Variants in BMP2K observed in about 807,000 individuals in gnomAD.
BMP2K encodes BMP-2-inducible protein kinase.
In BMP2K, 74 loss-of-function variants were observed where a neutral mutation model predicts 116.0. The ratio of observed to expected loss-of-function variants is 0.64; its 90% CI spans 0.53 to 0.77. The LOEUF is 0.77. Ranked by LOEUF, BMP2K falls within the 30% of genes least tolerant of loss-of-function variation. The pLI is 0.00. For missense variants in BMP2K, 1,365 were observed against 1,403.6 expected (o/e 0.97, Z 0.44); for synonymous variants, 486 against 502.5 (o/e 0.97, Z 0.44).
intron 10 of BMP2K, among the ~76,000 whole-genome samples, chr4:78,867,950 C>T (rs1271514277): frequency 6.6e-6 from 1 of 152,126 alleles, no homozygotes; most frequent in Non-Finnish European, 1.5e-5. Flanking sequence ...ATCCCAGCTA[C>T]TTGGGAGGCT....
At chr4:78,835,652 C>T in intron 3 of BMP2K, among the ~76,000 whole-genome samples, 1 of 144,456 alleles carries the variant, frequency 6.9e-6, no homozygotes, top group Admixed American at 6.9e-5. Flanking sequence ...AAAAAAAAGT[C>T]AAATATCTTA....
intron 1 of BMP2K, among the ~76,000 whole-genome samples, chr4:78,793,385 G>A (rs1223258143): frequency 1.3e-5 from 2 of 149,772 alleles, no homozygotes; most frequent in Non-Finnish European, 3.0e-5. Flanking sequence ...ACTCCAGCCT[G>A]GGTGACAGAG....
chr4:78,884,773 C>T (rs1032279832), intron 14 of BMP2K, among the ~76,000 whole-genome samples: 8 of 152,082 alleles, frequency 5.3e-5, no homozygotes, highest in African/African-American at 9.7e-5. Context: ...AATAGGTAAC[C>T]ACATGTAATC....
chr4:78,915,660 C>T lies in BMP2K; in HGVS notation c.*3627C>T, dbSNP rs1719319590. 1 of 151,848 alleles carries T rather than the reference C, an allele frequency of 6.6e-6. No homozygotes were observed. Among genetic ancestry groups the T allele is most frequent in the Non-Finnish European group, 1.5e-5 (1 of 67,870 alleles). 9.4% of individuals were successfully genotyped at this position (151,848 alleles called of 1,614,324 possible). ...GTACACACATGCATGTCACATCTCT[C>T]TACTGTGGAGTTAATGTGAATTTTT... On this transcript the variant is annotated 3_prime_UTR_variant, in exon 16 of 16. Coordinates refer to ENST00000502613, the MANE Select transcript of BMP2K (RefSeq NM_198892.2).
At chr4:78,801,074 G>C (rs974542326) in intron 1 of BMP2K, among the ~76,000 whole-genome samples, 1 of 151,972 alleles carries the variant, frequency 6.6e-6, no homozygotes, top group Non-Finnish European at 1.5e-5. Context: ...TTTACCTGTT[G>C]GTTATTCCCC....
At position 78,782,439 on chromosome 4, in the gene BMP2K, T is replaced by C. The variant is rs1021712510; in HGVS notation, c.178+5718T>C. Among the ~76,000 whole-genome samples, 12 of 152,222 alleles carry C rather than the reference T, an allele frequency of 7.9e-5. 1 individual carries two copies. Among genetic ancestry groups the C allele is most frequent in the Admixed American group, 7.2e-4 (11 of 15,280 alleles). On this transcript the variant is annotated intron_variant, in intron 1 of 15. Coordinates refer to ENST00000502613, the MANE Select transcript of BMP2K (RefSeq NM_198892.2). ...ACATTCAGCTACTTCTCAAAGGAAATGGTGCTTGATTTTTTTATTTTTAAT... is the reference window on the plus strand; with the variant it reads ...ACATTCAGCTACTTCTCAAAGGAAACGGTGCTTGATTTTTTTATTTTTAAT...
rs1043524968 is a variant in BMP2K at position 78,788,354 on chromosome 4, G to T, written c.178+11633G>T. ...AGTATGTAAGATAGTTAACTGTTAC[G>T]TGCAGTAATGTGGATCTAAGGATTT... On this transcript the variant is annotated intron_variant, in intron 1 of 15. Transcript: ENST00000502613. Among the ~76,000 whole-genome samples the T allele has an allele frequency of 5.3e-5, 8 of 151,234 alleles. No individual in the cohort carries two copies. The South Asian group carries it at 1.0e-3, about 20-fold the overall frequency.
chr4:78,871,888 A>C lies in BMP2K; in HGVS notation c.1548A>C (p.Gln516His). Residue 516 changes from glutamine to histidine, a missense_variant, in exon 12 of 16, where the codon CAA becomes CAC. Gln to His is a conservative substitution (Grantham distance 24). This residue lies in a region of BMP2K where 762 missense variants were observed against 756.7 expected (regional missense o/e 1.01). Coordinates refer to ENST00000502613, the MANE Select transcript of BMP2K (RefSeq NM_198892.2). ...CACAGCAGCAACAGATGCTTCAACA[A>C]CAATTTTTAATGCATTCGGTATATC... ...HATQQQQMLQ[Q>H]QFLMHSVYQP... The C allele has an allele frequency of 3.7e-6, 6 of 1,613,286 alleles. No individual in the cohort carries two copies. The highest frequency in any genetic ancestry group is 5.1e-6 in the Non-Finnish European group (6 of 1,179,600).
rs1200155225 is a variant in BMP2K at position 78,912,850 on chromosome 4, G to A, written c.*817G>A. Reference sequence around the variant, plus strand: ...TCTGACATTTGTAAAGAAATTATAAGAAGAAAAAAAGATACAGAACAGAAA... The same window carrying A: ...TCTGACATTTGTAAAGAAATTATAAAAAGAAAAAAAGATACAGAACAGAAA... On this transcript the variant is annotated 3_prime_UTR_variant, in exon 16 of 16. Coordinates refer to ENST00000502613, the MANE Select transcript of BMP2K (RefSeq NM_198892.2). 1 of 151,946 alleles carries A rather than the reference G, an allele frequency of 6.6e-6. No homozygotes were observed. Among genetic ancestry groups the A allele is most frequent in the Non-Finnish European group, 1.5e-5 (1 of 67,942 alleles). 9.4% of individuals were successfully genotyped at this position (151,946 alleles called of 1,614,324 possible).
intron 15 of BMP2K, among the ~76,000 whole-genome samples, chr4:78,902,912 G>A (rs546322308): frequency 6.6e-6 from 1 of 152,126 alleles, no homozygotes; most frequent in Admixed American, 6.6e-5. Context: ...TTAAAATAGT[G>A]TGGCATTAAC....
chr4:78,913,813 G>A lies in BMP2K; in HGVS notation c.*1780G>A, dbSNP rs1460670502. Reference sequence around the variant, plus strand: ...GAAGCAATATGTGAATCACAATGTAGCAGAGGCAGACCAAGCATTACATTA... The same window carrying A: ...GAAGCAATATGTGAATCACAATGTAACAGAGGCAGACCAAGCATTACATTA... On this transcript the variant is annotated 3_prime_UTR_variant, in exon 16 of 16. Coordinates refer to ENST00000502613, the MANE Select transcript of BMP2K (RefSeq NM_198892.2). 2.6e-5 allele frequency: 4 copies of A among 151,916 alleles called. No homozygotes were observed. Among genetic ancestry groups the A allele is most frequent in the South Asian group, 2.1e-4 (1 of 4,826 alleles). The allele number at this position is 151,916 out of a possible 1,614,324, so 9.4% of individuals were successfully genotyped here. A position where few individuals can be genotyped will look rare whatever the true frequency, so the allele number is the denominator to read the frequency against.
chr4:78,781,274 C>G (rs567902776), intron 1 of BMP2K, among the ~76,000 whole-genome samples: 1 of 152,128 alleles, frequency 6.6e-6, no homozygotes, highest in East Asian at 1.9e-4. Context: ...GAGAGGTATA[C>G]AAATTATAAG....
In BMP2K at chr4:78,865,690, C is replaced by T. The variant is rs746718262; in HGVS notation, c.1201C>T (p.Pro401Ser). 3.1e-6 allele frequency: 5 copies of T among 1,614,096 alleles called. No individual in the cohort carries two copies. The highest frequency in any genetic ancestry group is 1.7e-5 in the Admixed American group (1 of 60,004). Residue 401 changes from proline to serine, a missense_variant, in exon 10 of 16, where the codon CCT becomes TCT. By Grantham distance (74) the Pro-to-Ser change is moderately conservative. Around this residue, in one of 3 missense-constraint regions of BMP2K, gnomAD observed 762 missense variants for 756.7 expected, o/e 1.01. Transcript: ENST00000502613. ...AGCAACACCTGTTAAAGTCCTTGCT[C>T]CTGGTGAATTCGGTAACCATAGACC... ...SSATPVKVLA[P>S]GEFGNHRPKG...
chr4:78,901,494 G>T (rs956557695), intron 15 of BMP2K, among the ~76,000 whole-genome samples: 1 of 152,154 alleles, frequency 6.6e-6, no homozygotes, highest in Non-Finnish European at 1.5e-5. Flanking sequence ...GAACCTGTTT[G>T]TGAGGATTTC....
intron 1 of BMP2K, among the ~76,000 whole-genome samples, chr4:78,788,296 C>G (rs1727830471): frequency 1.3e-5 from 2 of 151,300 alleles, no homozygotes; most frequent in African/African-American, 4.9e-5. Flanking sequence ...TGTGCATAGG[C>G]TTTTGATGGT....
chr4:78,788,696 GT>G (rs557913441), intron 1 of BMP2K, among the ~76,000 whole-genome samples: 54 of 144,846 alleles, frequency 3.7e-4, no homozygotes, highest in Admixed American at 5.5e-4. Flanking sequence ...AAACTCATGA[GT>G]TTTTTTTTTT....
chr4:78,830,966 C>G (rs1730178672), intron 2 of BMP2K, among the ~76,000 whole-genome samples: 1 of 152,218 alleles, frequency 6.6e-6, no homozygotes, highest in Non-Finnish European at 1.5e-5. Context: ...TTTTCCTTTG[C>G]ATTCAAAATT....
chr4:78,894,520 A>T (rs531852645), intron 15 of BMP2K, among the ~76,000 whole-genome samples: 1 of 152,328 alleles, frequency 6.6e-6, no homozygotes, highest in South Asian at 2.1e-4. Flanking sequence ...CACTTCACTC[A>T]GCCTTCATAG....
At chr4:78,782,808 T>C (rs771015811) in intron 1 of BMP2K, among the ~76,000 whole-genome samples, 3 of 152,246 alleles carry the variant, frequency 2.0e-5, no homozygotes, top group Non-Finnish European at 2.9e-5. Context: ...TTTTTTTGGA[T>C]GCTGAGCTTT....
Sources: allele counts gnomAD v4.1 joint callset (sites outside exome capture counted in the v4.1 genomes callset), GRCh38; gene constraint gnomAD v4.1.1; regional missense constraint gnomAD v4.1.1; transcripts MANE v1.5; gene names NCBI Gene and HGNC (gene_info 2026-07-23, HGNC 2026-07-21).